ASIC1: variants seen among roughly 807,000 people sequenced by gnomAD.
ASIC1 encodes acid-sensing ion channel 1.
ASIC1 carries 21 observed loss-of-function variants against 63.4 expected under a neutral mutation model. The ratio of observed to expected loss-of-function variants is 0.33; its 90% CI spans 0.23 to 0.48. The LOEUF (loss-of-function observed/expected upper bound fraction) is 0.48, where lower values mean the gene tolerates loss of function less well. Ranked by LOEUF, ASIC1 falls within the 20% of genes least tolerant of loss-of-function variation. The pLI is 0.99. For synonymous variants in ASIC1, 258 were observed against 278.2 expected (o/e 0.93, Z 0.72); for missense variants, 478 against 695.5 (o/e 0.69, Z 3.52).
chr12:50,072,101 C>G (rs997569987), intron 3 of ASIC1, among the ~76,000 whole-genome samples: 3 of 152,156 alleles, frequency 2.0e-5, no homozygotes, highest in African/African-American at 7.2e-5. Flanking sequence ...GAACCTGACA[C>G]CCTGCCTCAC....
At chr12:50,081,059 GATGTCCTGACCCCA>G in intron 9 of ASIC1, 29 bp from the exon 10 acceptor site, 1 of 1,526,532 alleles carries the variant, frequency 6.6e-7, no homozygotes, top group South Asian at 1.2e-5. Flanking sequence ...CTGCCCCCAC[GATGTCCTGACCCCA>G]CTGACCCCCC....
chr12:50,079,786 G>T, intron 7 of ASIC1, 116 bp from the exon 8 acceptor site: 1 of 1,283,714 alleles, frequency 7.8e-7, no homozygotes, highest in East Asian at 2.4e-5. Context: ...TGAAGGGCAG[G>T]TCACGGAAAG....
intron 3 of ASIC1, among the ~76,000 whole-genome samples, chr12:50,065,803 CTG>C (rs1278030992): frequency 2.0e-5 from 3 of 152,346 alleles, no homozygotes; most frequent in Admixed American, 1.3e-4. Context: ...GGAGGTTGGG[CTG>C]TGCAGCTTAG....
intron 3 of ASIC1, among the ~76,000 whole-genome samples, chr12:50,065,420 C>T (rs116536162): frequency 2.0e-5 from 3 of 152,136 alleles, no homozygotes; most frequent in African/African-American, 7.2e-5. Flanking sequence ...GCTTCTAAGC[C>T]CAATCTCCTG....
chr12:50,080,651 T>G (rs775974636), intron 9 of ASIC1, 62 bp downstream of exon 9: 3 of 1,614,054 alleles, frequency 1.9e-6, no homozygotes, highest in Non-Finnish European at 2.5e-6. Flanking sequence ...CTCCCTATCA[T>G]CCAAAAGCAG....
chr12:50,078,854 CTTTGGTACTACCACCATCA>C lies in ASIC1; in HGVS notation c.995-69_995-51del. 1 of 1,545,230 alleles carries C rather than the reference CTTTGGTACTACCACCATCA, an allele frequency of 6.5e-7. No individual in the cohort carries two copies. Among genetic ancestry groups the C allele is most frequent in the Non-Finnish European group, 8.9e-7 (1 of 1,117,640 alleles). ...TTCTCCCAGCTTACACCTTCTAGGC[CTTTGGTACTACCACCATCA>C]CCAGACCCCTTGAATTCCCATCCTG... On this transcript the variant is annotated intron_variant, in intron 6 of 11. Transcript: ENST00000447966. This position sits in a 1 kb window ranked among gnomAD's most constrained non-coding sequence, Gnocchi z 6.0.
chr12:50,076,194 C>T (rs1407849289), intron 3 of ASIC1, among the ~76,000 whole-genome samples: 4 of 152,118 alleles, frequency 2.6e-5, no homozygotes, highest in African/African-American at 9.7e-5. Flanking sequence ...TGGCTGGGCA[C>T]GGTGGCTCAT....
In ASIC1 at chr12:50,077,221, A is replaced by G. The variant is rs750095601; in HGVS notation, c.567A>G (p.Thr189=). The G allele has an allele frequency of 1.9e-6, 3 of 1,609,794 alleles. No homozygotes were observed. Among genetic ancestry groups the G allele is most frequent in the Non-Finnish European group, 1.7e-6 (2 of 1,177,538 alleles). ...CSAEDFKVVF[T]RYGKCYTFNS... is the part of the protein sequence containing the mutation. ...CACTCTGCCCTCGCCAGGTCTTCACACGCTATGGAAAGTGCTACACGTTCA... is the reference window on the plus strand; with the variant it reads ...CACTCTGCCCTCGCCAGGTCTTCACGCGCTATGGAAAGTGCTACACGTTCA... Residue 189 remains threonine, a synonymous_variant, in exon 4 of 12, where the codon ACA becomes ACG. Coordinates refer to ENST00000447966, the MANE Select transcript of ASIC1 (RefSeq NM_001095.4).
chr12:50,081,007 TTTGAGAA>T, intron 9 of ASIC1, 88 bp from the exon 10 acceptor site: 1 of 1,170,552 alleles, frequency 8.5e-7, no homozygotes, highest in Non-Finnish European at 1.2e-6. Context: ...TACCAATCCC[TTTGAGAA>T]TACAACTTGC....
chr12:50,065,567 T>C (rs924410381), intron 3 of ASIC1, among the ~76,000 whole-genome samples: 1 of 152,198 alleles, frequency 6.6e-6, no homozygotes. Flanking sequence ...ATCTTCCTCA[T>C]AGAATATTTA....
rs1950631635 is a variant in ASIC1, at chr12:50,074,300, C to T, written c.559-2913C>T. On this transcript the variant is annotated intron_variant, in intron 3 of 11. Transcript: ENST00000447966. The surrounding 1 kb of genome is among the most constrained non-coding windows in gnomAD (Gnocchi z 4.2). Reference sequence around the variant, plus strand: ...CCCAAGAGTGTCTGCCATGGCTGTCCCTGACTGTCACCTCCTGGGGTTGGG... The same window carrying T: ...CCCAAGAGTGTCTGCCATGGCTGTCTCTGACTGTCACCTCCTGGGGTTGGG... The T allele has an allele frequency of 1.4e-6, 2 of 1,435,472 alleles. No individual in the cohort carries two copies. The highest frequency in any genetic ancestry group is 1.8e-6 in the Non-Finnish European group (2 of 1,097,676). 88.9% of individuals were successfully genotyped at this position (1,435,472 alleles called of 1,614,324 possible).
At position 50,059,678 on chromosome 12, in the gene ASIC1, G is replaced by A; in HGVS notation, c.363-81G>A. ...CACCTGGGACTGATCCCCAGGGCTG[G>A]AGGCTGCCCCCATCACCCAAGTTGG... On this transcript the variant is annotated intron_variant, in intron 2 of 11. Transcript: ENST00000447966. The surrounding 1 kb of genome is among the most constrained non-coding windows in gnomAD (Gnocchi z 4.6). 6.9e-7 allele frequency: 1 copy of A among 1,440,680 alleles called. No homozygotes were observed. Among genetic ancestry groups the A allele is most frequent in the Non-Finnish European group, 9.5e-7 (1 of 1,055,930 alleles). 89.2% of individuals were successfully genotyped at this position (1,440,680 alleles called of 1,614,324 possible). A position where few individuals can be genotyped will look rare whatever the true frequency, so the allele number is the denominator to read the frequency against.
At position 50,059,649 on chromosome 12, in the gene ASIC1, C is replaced by T. The variant is rs935556772; in HGVS notation, c.363-110C>T. On this transcript the variant is annotated intron_variant, in intron 2 of 11. Coordinates refer to ENST00000447966, the MANE Select transcript of ASIC1 (RefSeq NM_001095.4). This position sits in a 1 kb window ranked among gnomAD's most constrained non-coding sequence, Gnocchi z 4.6. Reference sequence around the variant, plus strand: ...CTGCATGCCCAGCTCTCCTTCCTTGCCTACACCTGGGACTGATCCCCAGGG... The same window carrying T: ...CTGCATGCCCAGCTCTCCTTCCTTGTCTACACCTGGGACTGATCCCCAGGG... 2 of 1,143,524 alleles carry T rather than the reference C, an allele frequency of 1.7e-6. No individual in the cohort carries two copies. The highest frequency in any genetic ancestry group is 3.1e-5 in the African/African-American group (2 of 64,738). The allele number at this position is 1,143,524 out of a possible 1,614,324, so 70.8% of individuals were successfully genotyped here.
In ASIC1 at chr12:50,081,550, G is replaced by A; in HGVS notation, c.1488G>A (p.Pro496=). 1.2e-6 allele frequency: 2 copies of A among 1,610,344 alleles called. No homozygotes were observed. The highest frequency in any genetic ancestry group is 1.7e-6 in the Non-Finnish European group (2 of 1,178,302). ...LSLDDVKRHN[P]CESLRGHPAG... ...GTCCTGTCCCCTTCCCCCAGAACCCGTGCGAGAGCCTTCGGGGCCACCCTG... is the reference window on the plus strand; with the variant it reads ...GTCCTGTCCCCTTCCCCCAGAACCCATGCGAGAGCCTTCGGGGCCACCCTG... The change falls in exon 12 of 12, where the codon CCG becomes CCA. Residue 496 remains proline, a synonymous_variant. Coordinates refer to ENST00000447966, the MANE Select transcript of ASIC1 (RefSeq NM_001095.4).
At chr12:50,071,266 CT>C (rs34556615) in intron 3 of ASIC1, among the ~76,000 whole-genome samples, 88 of 119,804 alleles carry the variant, frequency 7.3e-4, no homozygotes, top group Admixed American at 9.9e-4. Flanking sequence ...TTGCTTTCAG[CT>C]TTTTTTTTTT....
At chr12:50,072,283 C>G (rs561757111) in intron 3 of ASIC1, among the ~76,000 whole-genome samples, 1 of 152,342 alleles carries the variant, frequency 6.6e-6, no homozygotes, top group African/African-American at 2.4e-5. Flanking sequence ...TGCTCCTCCT[C>G]TGGCCCTGCA....
At chr12:50,069,256 T>TTTA (rs1950575164) in intron 3 of ASIC1, among the ~76,000 whole-genome samples, 1 of 146,300 alleles carries the variant, frequency 6.8e-6, no homozygotes, top group Non-Finnish European at 1.5e-5. Flanking sequence ...TTATTTTTTA[T>TTTA]TTTATTTATT....
chr12:50,067,812 G>A (rs531845319), intron 3 of ASIC1, among the ~76,000 whole-genome samples: 1 of 152,112 alleles, frequency 6.6e-6, no homozygotes, highest in African/African-American at 2.4e-5. Flanking sequence ...CTCTTTGCCA[G>A]TTCATTTTCT....
At position 50,078,727 on chromosome 12, in the gene ASIC1, G is replaced by A. The variant is rs916465630; in HGVS notation, c.994+150G>A. On this transcript the variant is annotated intron_variant, in intron 6 of 11. Transcript: ENST00000447966. The surrounding 1 kb of genome is among the most constrained non-coding windows in gnomAD (Gnocchi z 6.0). ...TCATGTCTCTCTGACCTCAGTTCCC[G>A]CCTGCACCCCCAGGGATGGGTGGGA... 2.5e-5 allele frequency: 35 copies of A among 1,372,592 alleles called. No homozygotes were observed. Among genetic ancestry groups the A allele is most frequent in the African/African-American group, 1.0e-4 (7 of 69,610 alleles). 85.0% of individuals were successfully genotyped at this position (1,372,592 alleles called of 1,614,324 possible). A position where few individuals can be genotyped will look rare whatever the true frequency, so the allele number is the denominator to read the frequency against.
Sources: gnomAD v4.1 joint callset for allele counts (sites outside exome capture counted in the v4.1 genomes callset) on GRCh38, gnomAD v4.1.1 for gene constraint, Gnocchi (gnomAD v3.1) non-coding constraint, MANE v1.5 for transcripts, NCBI Gene and HGNC (gene_info 2026-07-23, HGNC 2026-07-21) for gene names.